Variants in DNAL4 observed in about 807,000 individuals in gnomAD.
DNAL4 encodes dynein axonemal light chain 4, also known as dynein light chain, outer arm 4.
In DNAL4, 10 loss-of-function variants were observed where a neutral mutation model predicts 12.6. That is an observed-to-expected ratio of 0.79 (90% CI 0.49 to 1.34). The LOEUF is 1.34. DNAL4 is among the 40% of genes most tolerant of loss of function. The probability of loss-of-function intolerance (pLI) is 0.00; values close to 1 mark genes in which losing one functional copy is unlikely to be tolerated. For missense variants in DNAL4, 128 were observed against 138.1 expected, an observed-to-expected ratio of 0.93 and a Z score of 0.37; for synonymous variants, 46 against 53.1, an observed-to-expected ratio of 0.87 and a Z score of 0.58.
At chr22:38,786,521 T>C (rs1028354487) in intron 1 of DNAL4, among the ~76,000 whole-genome samples, 1 of 152,152 alleles carries the variant, frequency 6.6e-6, no homozygotes, top group Non-Finnish European at 1.5e-5. Context: ...ATCACACCAT[T>C]GCACTCCAGC....
At chr22:38,791,672 G>A (rs2093050796) in intron 1 of DNAL4, among the ~76,000 whole-genome samples, 1 of 151,588 alleles carries the variant, frequency 6.6e-6, no homozygotes, top group Non-Finnish European at 1.5e-5. Context: ...GATTACAGGT[G>A]TGAGCCACTG....
intron 3 of DNAL4, among the ~76,000 whole-genome samples, chr22:38,780,514 T>C (rs1394181544): frequency 1.3e-5 from 2 of 152,224 alleles, no homozygotes; most frequent in African/African-American, 4.8e-5. Context: ...CCTTCCTGCG[T>C]TGATGCCTGC....
At position 38,779,148 on chromosome 22, in the gene DNAL4, G is replaced by A. The variant is rs554435123; in HGVS notation, c.*301C>T. 50 of 253,152 alleles carry A rather than the reference G, an allele frequency of 2.0e-4. No homozygotes were observed. Among genetic ancestry groups the A allele is most frequent in the Admixed American group, 7.4e-4 (14 of 18,958 alleles). 15.7% of individuals were successfully genotyped at this position (253,152 alleles called of 1,614,324 possible). ...GAGAAAGGGGGACTGGCGTGTTCCT[G>A]TGCGGAAGATCTCATCTCCCACCTC... On this transcript the variant is annotated 3_prime_UTR_variant, in exon 4 of 4. Transcript: ENST00000216068. The surrounding 1 kb of genome is among the most constrained non-coding windows in gnomAD (Gnocchi z 4.3).
intron 3 of DNAL4, 59 bp downstream of exon 3, chr22:38,780,867 T>C (rs752657472): frequency 6.3e-7 from 1 of 1,583,720 alleles, no homozygotes; most frequent in Non-Finnish European, 8.7e-7. Context: ...CAGGGGCCAC[T>C]TTATTCACCC....
At chr22:38,788,010 C>T (rs1412659483) in intron 1 of DNAL4, among the ~76,000 whole-genome samples, 1 of 152,156 alleles carries the variant, frequency 6.6e-6, no homozygotes, top group Non-Finnish European at 1.5e-5. Flanking sequence ...GGAGACAAGC[C>T]AGTAACACAG....
chr22:38,789,894 G>A (rs994416563), intron 1 of DNAL4, among the ~76,000 whole-genome samples: 2 of 152,208 alleles, frequency 1.3e-5, no homozygotes, highest in African/African-American at 4.8e-5. Flanking sequence ...AAAGTACAAA[G>A]CATCTTCTGG....
intron 3 of DNAL4, among the ~76,000 whole-genome samples, chr22:38,780,187 C>T (rs1168198650): frequency 6.6e-6 from 1 of 152,178 alleles, no homozygotes; most frequent in South Asian, 2.1e-4. Context: ...CAGGTGCAGG[C>T]GCCTGAGGTA....
At chr22:38,785,036 C>T (rs899539629) in intron 1 of DNAL4, among the ~76,000 whole-genome samples, 1 of 148,092 alleles carries the variant, frequency 6.8e-6, no homozygotes, top group African/African-American at 2.5e-5. Context: ...GATGGCTCCA[C>T]TTATCTCATC....
chr22:38,786,833 C>T (rs915503395), intron 1 of DNAL4, among the ~76,000 whole-genome samples: 12 of 152,192 alleles, frequency 7.9e-5, no homozygotes, highest in African/African-American at 2.4e-4. Flanking sequence ...TGGTCAAGGC[C>T]AGTGTTCCTG....
intron 2 of DNAL4, among the ~76,000 whole-genome samples, chr22:38,781,833 G>A (rs1328282568): frequency 3.3e-5 from 5 of 152,018 alleles, no homozygotes; most frequent in Non-Finnish European, 5.9e-5. Context: ...AAACCCGACC[G>A]CATCTCGCAC....
In DNAL4 at chr22:38,779,354, C is replaced by A; in HGVS notation, c.*95G>T. On this transcript the variant is annotated 3_prime_UTR_variant, in exon 4 of 4. Coordinates refer to ENST00000216068, the MANE Select transcript of DNAL4 (RefSeq NM_005740.3). The surrounding 1 kb of genome is among the most constrained non-coding windows in gnomAD (Gnocchi z 4.3). ...AAGACAAAAAGAAAAGACCCCAACTCTCCTTGGAAAAACCAGGACCTGCCT... is the reference window on the plus strand; with the variant it reads ...AAGACAAAAAGAAAAGACCCCAACTATCCTTGGAAAAACCAGGACCTGCCT... The A allele has an allele frequency of 7.0e-7, 1 of 1,427,440 alleles. No individual in the cohort carries two copies. The highest frequency in any genetic ancestry group is 9.3e-7 in the Non-Finnish European group (1 of 1,079,748). The allele number at this position is 1,427,440 out of a possible 1,614,324, so 88.4% of individuals were successfully genotyped here.
chr22:38,793,324 A>G (rs979042553), intron 1 of DNAL4, among the ~76,000 whole-genome samples: 2 of 152,200 alleles, frequency 1.3e-5, no homozygotes, highest in African/African-American at 4.8e-5. Context: ...AAACTAACAA[A>G]TACTGAATCT....
intron 1 of DNAL4, among the ~76,000 whole-genome samples, chr22:38,790,710 T>C (rs1248780312): frequency 1.3e-5 from 2 of 152,184 alleles, no homozygotes; most frequent in Non-Finnish European, 2.9e-5. Flanking sequence ...GTTGTGTGAA[T>C]GTCATAGAGT....
chr22:38,790,635 C>G (rs888604804), intron 1 of DNAL4, among the ~76,000 whole-genome samples: 4 of 152,142 alleles, frequency 2.6e-5, no homozygotes, highest in African/African-American at 9.7e-5. Context: ...GTCCAACTAT[C>G]GCATCAACAC....
chr22:38,791,868 T>C (rs1376458801), intron 1 of DNAL4, among the ~76,000 whole-genome samples: 2 of 151,246 alleles, frequency 1.3e-5, no homozygotes, highest in East Asian at 3.9e-4. Context: ...TTTTTGTGTG[T>C]TGTTTTTTTT....
intron 3 of DNAL4, 40 bp downstream of exon 3, chr22:38,780,886 C>T: frequency 6.2e-7 from 1 of 1,609,638 alleles, no homozygotes; most frequent in South Asian, 1.1e-5. Context: ...CCACAGGGGC[C>T]ATCAAAAGCA....
intron 1 of DNAL4, among the ~76,000 whole-genome samples, chr22:38,786,737 T>G (rs1220055028): frequency 3.3e-5 from 5 of 152,178 alleles, no homozygotes; most frequent in Admixed American, 6.5e-5. Context: ...GGGCCATCTG[T>G]GGGCTTTACA....
At chr22:38,790,448 T>G (rs1352912939) in intron 1 of DNAL4, among the ~76,000 whole-genome samples, 1 of 152,096 alleles carries the variant, frequency 6.6e-6, no homozygotes, top group Non-Finnish European at 1.5e-5. Flanking sequence ...AGGAGGATGG[T>G]GATGCCACTG....
In DNAL4 at chr22:38,779,489, A is replaced by G. The variant is rs2093030915; in HGVS notation, c.278T>C (p.Phe93Ser). The change falls in exon 4 of 4, where the codon TTC (phenylalanine) becomes TCC (serine). Residue 93 changes from phenylalanine (F) to serine (S), a missense_variant. Physicochemically the swap from Phe to Ser is radical, Grantham distance 155. Coordinates refer to ENST00000216068, the MANE Select transcript of DNAL4 (RefSeq NM_005740.3). This position sits in a 1 kb window ranked among gnomAD's most constrained non-coding sequence, Gnocchi z 4.3. ...HEVKNLLYLY[F>S]GGTLAVCVWK... Reference sequence around the variant, plus strand: ...GACGCACACAGCCAGGGTGCCCCCGAAGTACAGGTAGAGGAGGTTCTTCAC... The same window carrying G: ...GACGCACACAGCCAGGGTGCCCCCGGAGTACAGGTAGAGGAGGTTCTTCAC... 6.3e-7 allele frequency: 1 copy of G among 1,580,816 alleles called. No homozygotes were observed. Among genetic ancestry groups the G allele is most frequent in the African/African-American group, 1.3e-5 (1 of 74,310 alleles).
Sources: allele counts gnomAD v4.1 joint callset (sites outside exome capture counted in the v4.1 genomes callset), GRCh38; gene constraint gnomAD v4.1.1; non-coding constraint Gnocchi (gnomAD v3.1); transcripts MANE v1.5; gene names NCBI Gene and HGNC (gene_info 2026-07-23, HGNC 2026-07-21).